The following BCAR3 variants were observed in gnomAD, a reference collection of about 807,000 sequenced individuals.
The protein encoded by BCAR3 is BCAR3 adaptor protein, NSP family member.
BCAR3 carries 37 observed loss-of-function variants against 80.1 expected under a neutral mutation model. The ratio of observed to expected loss-of-function variants is 0.46; its 90% CI spans 0.36 to 0.61. The LOEUF (loss-of-function observed/expected upper bound fraction) is 0.61, where lower values mean the gene tolerates loss of function less well. BCAR3 is among the 20% of genes least tolerant of loss of function. The pLI is 0.00. For synonymous variants in BCAR3, 389 were observed against 418.9 expected (o/e 0.93, Z 0.87); for missense variants, 978 against 1,068.2 (o/e 0.92, Z 1.18).
intron 3 of BCAR3, among the ~76,000 whole-genome samples, chr1:93,608,495 C>T (rs373868772): frequency 3.2e-4 from 48 of 152,342 alleles, no homozygotes; most frequent in African/African-American, 8.4e-4. Flanking sequence ...CCTTTGTGGT[C>T]GGAGCACACC....
Position 93,825,610 on chromosome 1 carries a change from C to T in BCAR3, c.-63+19957G>A, listed in dbSNP as rs1654344930. Among the ~76,000 whole-genome samples the T allele has an allele frequency of 5.6e-5, 5 of 89,518 alleles. 2 individuals carry two copies. In the South Asian group the frequency reaches 2.3e-3, roughly 41 times the overall value. The allele number at this position is 89,518 out of a possible 152,430, so 58.7% of individuals were successfully genotyped here. ...CCCCTTGCCATGGAGATTCCAGATG[C>T]CCCTTTTCTCTACTTTGAGCTCGGC... On this transcript the variant is annotated intron_variant, in intron 2 of 13. Transcript: ENST00000370244.
chr1:93,648,344 G>C (rs768028826), intron 2 of BCAR3, among the ~76,000 whole-genome samples: 1 of 152,110 alleles, frequency 6.6e-6, no homozygotes, highest in Admixed American at 6.5e-5. Flanking sequence ...TAAATGGTTT[G>C]ATCTTGGTAA....
intron 3 of BCAR3, among the ~76,000 whole-genome samples, chr1:93,635,740 G>A (rs1675761324): frequency 6.6e-6 from 1 of 152,232 alleles, no homozygotes; most frequent in Admixed American, 6.5e-5. Flanking sequence ...AAAACCTGCA[G>A]AGCCAGCCAA....
intron 3 of BCAR3, among the ~76,000 whole-genome samples, chr1:93,616,810 C>T (rs1675143217): frequency 6.6e-6 from 1 of 152,134 alleles, no homozygotes; most frequent in Admixed American, 6.5e-5. Flanking sequence ...AGGGAGGGGC[C>T]CAGTCAGGCA....
At position 93,582,870 on chromosome 1, in the gene BCAR3, C is replaced by T. The variant is rs969789871; in HGVS notation, c.1117G>A (p.Ala373Thr). Residue 373 changes from alanine (A) to threonine (T), a missense_variant, in exon 7 of 12, where the codon GCC becomes ACC. Transcript: ENST00000260502. The part of the protein sequence containing the change: ...SPVFRTGSEP[A>T]LSPAVVRRVS... ...CTCCGAACCACTGCTGGGCTCAGGG[C>T]AGGCTCGCTTCCCGTCCTGAACACA... 1.2e-6 allele frequency: 2 copies of T among 1,611,946 alleles called. No homozygotes were observed. The highest frequency in any genetic ancestry group is 1.7e-6 in the Non-Finnish European group (2 of 1,179,990).
intron 11 of BCAR3, among the ~76,000 whole-genome samples, chr1:93,566,096 G>A (rs1456254168): frequency 6.6e-6 from 1 of 152,076 alleles, no homozygotes; most frequent in Non-Finnish European, 1.5e-5. Context: ...CTCTTCTTCA[G>A]CCACGGTCTT....
At chr1:93,840,009 G>A (rs1654900719) in intron 2 of BCAR3, among the ~76,000 whole-genome samples, 1 of 152,076 alleles carries the variant, frequency 6.6e-6, no homozygotes, top group Admixed American at 6.5e-5. Flanking sequence ...TTGCAGGAAG[G>A]GCAGAGGGCA....
intron 2 of BCAR3, among the ~76,000 whole-genome samples, chr1:93,721,358 T>C (rs1205936182): frequency 6.6e-6 from 1 of 151,806 alleles, no homozygotes; most frequent in African/African-American, 2.4e-5. Flanking sequence ...GCCCAGAGAG[T>C]TCACCTCTAC....
Position 93,718,083 on chromosome 1 carries a change from T to G in BCAR3, c.-62-11941A>C, listed in dbSNP as rs140015620. ...GTGTCTAAAGACTTTCTCTGGAAAC[T>G]TCCTGCGTTCACAGCTCTTAAAATA... On this transcript the variant is annotated intron_variant, in intron 2 of 13. Coordinates refer to the BCAR3 transcript ENST00000370244. 2.4e-3 allele frequency among the ~76,000 whole-genome samples: 369 copies of G among 152,316 alleles called. 3 individuals carry two copies. Among genetic ancestry groups the G allele is most frequent in the African/African-American group, 8.5e-3 (355 of 41,570 alleles).
intron 2 of BCAR3, among the ~76,000 whole-genome samples, chr1:93,785,519 T>C (rs1283504071): frequency 6.6e-6 from 1 of 152,224 alleles, no homozygotes; most frequent in African/African-American, 2.4e-5. Context: ...AATAATGTGC[T>C]AGCTATACCA....
intron 3 of BCAR3, among the ~76,000 whole-genome samples, chr1:93,609,241 G>A (rs1674876021): frequency 6.6e-6 from 1 of 152,148 alleles, no homozygotes; most frequent in South Asian, 2.1e-4. Flanking sequence ...ATACTACATA[G>A]CACTTCCTGG....
At chr1:93,765,061 C>T (rs1003329027) in intron 2 of BCAR3, among the ~76,000 whole-genome samples, 2 of 152,188 alleles carry the variant, frequency 1.3e-5, no homozygotes, top group Non-Finnish European at 2.9e-5. Flanking sequence ...CTTCAGTGGA[C>T]ATCCCGGGGG....
rs61644309 is a variant in BCAR3 at position 93,786,192 on chromosome 1, C to CAAAAAAAAAAAAAAA, written c.-63+59360_-63+59374dup. On this transcript the variant is annotated intron_variant, in intron 2 of 13. Coordinates refer to the BCAR3 transcript ENST00000370244. ...TGGGCGTCAGAGCGAGACTCCGTCT[C>CAAAAAAAAAAAAAAA]AAAAAAAAAAAAAAAAAAAAAAAAA... 2.1e-3 allele frequency among the ~76,000 whole-genome samples: 48 copies of CAAAAAAAAAAAAAAA among 23,246 alleles called. 7 individuals carry two copies. The highest frequency in any genetic ancestry group is 2.2e-3 in the Non-Finnish European group (31 of 14,018). 15.3% of individuals were successfully genotyped at this position (23,246 alleles called of 152,430 possible).
chr1:93,670,277 G>A (rs1056600426), intron 2 of BCAR3, among the ~76,000 whole-genome samples: 1 of 152,066 alleles, frequency 6.6e-6, no homozygotes, highest in African/African-American at 2.4e-5. Context: ...CTGGCTTCTG[G>A]CTTTGGCCCT....
Position 93,571,202 on chromosome 1 carries a change from T to TA in BCAR3, c.1974+467dup, listed in dbSNP as rs57983230. On this transcript the variant is annotated intron_variant, in intron 9 of 11. Transcript: ENST00000260502. ...CTGGACAACAGAGCGAGACTTCGTT[T>TA]AAAAAAAAAAAAAAATAGACCCCAG... 1.4e-3 allele frequency among the ~76,000 whole-genome samples: 201 copies of TA among 140,574 alleles called. 1 individual carries two copies. The highest frequency in any genetic ancestry group is 3.2e-3 in the South Asian group (14 of 4,374). The allele number at this position is 140,574 out of a possible 152,430, so 92.2% of individuals were successfully genotyped here. A position where few individuals can be genotyped will look rare whatever the true frequency, so the allele number is the denominator to read the frequency against.
chr1:93,659,771 T>C (rs950127682), intron 2 of BCAR3, among the ~76,000 whole-genome samples: 1 of 152,004 alleles, frequency 6.6e-6, no homozygotes, highest in Non-Finnish European at 1.5e-5. Flanking sequence ...TCAATAGGCC[T>C]GGGGTCCCCA....
chr1:93,642,570 T>TA (rs1196726736), intron 2 of BCAR3, among the ~76,000 whole-genome samples: 1 of 152,188 alleles, frequency 6.6e-6, no homozygotes, highest in Non-Finnish European at 1.5e-5. Flanking sequence ...CCCAGAATGT[T>TA]AGAGTATTTA....
chr1:93,720,527 T>G (rs1396489015), intron 2 of BCAR3, among the ~76,000 whole-genome samples: 3 of 152,100 alleles, frequency 2.0e-5, no homozygotes, highest in Non-Finnish European at 2.9e-5. Context: ...CAGTGGTGCC[T>G]TACATGGCCA....
intron 2 of BCAR3, among the ~76,000 whole-genome samples, chr1:93,643,291 G>A (rs1030448610): frequency 2.0e-4 from 30 of 150,614 alleles, no homozygotes; most frequent in Middle Eastern, 3.5e-3. Flanking sequence ...TGGGGGGGCC[G>A]AGGCAGGCGG....
Sources: allele counts gnomAD v4.1 joint callset (sites outside exome capture counted in the v4.1 genomes callset), GRCh38; gene constraint gnomAD v4.1.1; transcripts MANE v1.5; gene names NCBI Gene and HGNC (gene_info 2026-07-23, HGNC 2026-07-21).